The following ZNF521 variants were observed in gnomAD, a reference collection of about 807,000 sequenced individuals.
ZNF521 encodes zinc finger protein 521, also known as LYST-interacting protein 3.
In ZNF521, 14 loss-of-function variants were observed where a neutral mutation model predicts 105.5. The ratio of observed to expected loss-of-function variants is 0.13; its 90% CI spans 0.09 to 0.21. ZNF521 has a LOEUF of 0.21. ZNF521 is among the 10% of genes least tolerant of loss of function. ZNF521 has a pLI of 1.00. For missense variants in ZNF521, 1,233 were observed against 1,629.7 expected (o/e 0.76, Z 4.19); for synonymous variants, 635 against 606.0 (o/e 1.05, Z -0.70).
intron 5 of ZNF521, among the ~76,000 whole-genome samples, chr18:25,107,673 C>T (rs942390106): frequency 3.3e-5 from 5 of 152,114 alleles, no homozygotes; most frequent in East Asian, 1.9e-4. Context: ...ATGCAGACTG[C>T]GGTAATAATT....
intron 4 of ZNF521, among the ~76,000 whole-genome samples, chr18:25,203,658 TAGAA>T (rs1372334934): frequency 3.3e-5 from 5 of 151,800 alleles, no homozygotes; most frequent in East Asian, 1.9e-4. Flanking sequence ...TGGTGGGAAA[TAGAA>T]AGACAATTCA....
chr18:25,289,494 T>C (rs1440572114), intron 3 of ZNF521, among the ~76,000 whole-genome samples: 1 of 152,208 alleles, frequency 6.6e-6, no homozygotes, highest in African/African-American at 2.4e-5. Context: ...GGGCTTCTCA[T>C]ATTGCTGAAA....
intron 4 of ZNF521, among the ~76,000 whole-genome samples, chr18:25,199,305 T>G: frequency 1.3e-5 from 2 of 150,140 alleles, no homozygotes; most frequent in Admixed American, 6.6e-5. Context: ...AAAAAAAAAG[T>G]GAACAGATGA....
chr18:25,283,401 G>A (rs1910503437), intron 3 of ZNF521, among the ~76,000 whole-genome samples: 2 of 152,164 alleles, frequency 1.3e-5, no homozygotes, highest in Non-Finnish European at 1.5e-5. Flanking sequence ...CTCTTCCCTG[G>A]TCTCTGGTCC....
At chr18:25,321,508 G>A (rs914866795) in intron 3 of ZNF521, among the ~76,000 whole-genome samples, 3 of 152,154 alleles carry the variant, frequency 2.0e-5, no homozygotes, top group African/African-American at 4.8e-5. Flanking sequence ...TCAGTCTAAC[G>A]AGTGAGATGG....
chr18:25,176,846 C>A (rs1229334817), intron 5 of ZNF521, among the ~76,000 whole-genome samples: 1 of 152,252 alleles, frequency 6.6e-6, no homozygotes, highest in Non-Finnish European at 1.5e-5. Context: ...CACATGCTCA[C>A]CAGCACACGT....
chr18:25,247,819 G>A (rs1600210584), intron 3 of ZNF521, among the ~76,000 whole-genome samples: 1 of 152,158 alleles, frequency 6.6e-6, no homozygotes, highest in African/African-American at 2.4e-5. Context: ...CAATGGTCCA[G>A]TGAGAGGCAA....
chr18:25,141,452 T>C (rs1282743244), intron 5 of ZNF521, among the ~76,000 whole-genome samples: 1 of 152,208 alleles, frequency 6.6e-6, no homozygotes. Context: ...CTGGGGGCCG[T>C]TCTTCCTTAG....
At chr18:25,204,642 A>G (rs1568008238) in intron 4 of ZNF521, among the ~76,000 whole-genome samples, 1 of 152,192 alleles carries the variant, frequency 6.6e-6, no homozygotes, top group Non-Finnish European at 1.5e-5. Flanking sequence ...AATTTTCTTC[A>G]AAATTTGTCT....
chr18:25,254,210 T>A (rs1396242351), intron 3 of ZNF521, among the ~76,000 whole-genome samples: 1 of 152,124 alleles, frequency 6.6e-6, no homozygotes, highest in Admixed American at 6.6e-5. Context: ...AAAGGCTGGC[T>A]GCACCATGCA....
chr18:25,262,839 A>G (rs1242791994), intron 3 of ZNF521, among the ~76,000 whole-genome samples: 3 of 152,168 alleles, frequency 2.0e-5, no homozygotes, highest in Non-Finnish European at 4.4e-5. Context: ...AGCAGCTGAT[A>G]ATGCCAACAG....
At chr18:25,267,719 A>G (rs1379020931) in intron 3 of ZNF521, among the ~76,000 whole-genome samples, 1 of 152,198 alleles carries the variant, frequency 6.6e-6, no homozygotes, top group African/African-American at 2.4e-5. Context: ...AACAAACAGA[A>G]AAGAAACAGC....
rs1022691447 is a variant in ZNF521 at position 25,196,690 on chromosome 18, T to C, written c.3574-1446A>G. Among the ~76,000 whole-genome samples, 12 of 151,820 alleles carry C rather than the reference T, an allele frequency of 7.9e-5. No individual in the cohort carries two copies. In the East Asian group the frequency reaches 1.2e-3, roughly 15 times the overall value. The stretch of plus-strand genomic sequence containing the variant: ...ACACCCTGACAATCACCAAGGAAGA[T>C]TGACTACACCGAGCTGTTTACAAGA... On this transcript the variant is annotated intron_variant, in intron 4 of 7. Transcript: ENST00000361524.
chr18:25,286,177 T>A (rs2145009081), intron 3 of ZNF521, among the ~76,000 whole-genome samples: 1 of 151,128 alleles, frequency 6.6e-6, no homozygotes. Context: ...AGGACAGGAG[T>A]GGAATACTGA....
At chr18:25,094,192 T>A (rs983813455) in intron 5 of ZNF521, among the ~76,000 whole-genome samples, 1 of 152,200 alleles carries the variant, frequency 6.6e-6, no homozygotes, top group South Asian at 2.1e-4. Flanking sequence ...GACTGTCACA[T>A]GAGCATAAAG....
intron 7 of ZNF521, among the ~76,000 whole-genome samples, chr18:25,082,419 A>T (rs556585794): frequency 6.6e-6 from 1 of 152,174 alleles, no homozygotes; most frequent in East Asian, 1.9e-4. Context: ...TAGGACCCGG[A>T]TATGCCAGAT....
chr18:25,111,009 C>T (rs1451637725), intron 5 of ZNF521, among the ~76,000 whole-genome samples: 2 of 152,012 alleles, frequency 1.3e-5, no homozygotes, highest in African/African-American at 2.4e-5. Context: ...GTGTTCCACC[C>T]TCCTCAGCCT....
intron 5 of ZNF521, among the ~76,000 whole-genome samples, chr18:25,094,509 A>C (rs1226836570): frequency 6.6e-6 from 1 of 152,098 alleles, no homozygotes; most frequent in Admixed American, 6.5e-5. Flanking sequence ...TGAAAGCGCT[A>C]AGTGACAGCA....
At chr18:25,068,560 C>A (rs1463247249) in intron 7 of ZNF521, among the ~76,000 whole-genome samples, 24 of 151,642 alleles carry the variant, frequency 1.6e-4, no homozygotes, top group Non-Finnish European at 7.4e-5. Flanking sequence ...GATAATAAGT[C>A]TTTTGACCTG....
Sources: gnomAD v4.1 joint callset for allele counts (sites outside exome capture counted in the v4.1 genomes callset) on GRCh38, gnomAD v4.1.1 for gene constraint, MANE v1.5 for transcripts, NCBI Gene and HGNC (gene_info 2026-07-23, HGNC 2026-07-21) for gene names.